Variants in AFF1 observed in about 807,000 individuals in gnomAD.
AFF1 encodes ALF transcription elongation factor 1, also known as AF4/FMR2 family member 1.
A neutral mutation model predicts 121.7 loss-of-function variants in AFF1; 48 were observed. The ratio of observed to expected loss-of-function variants is 0.39; its 90% confidence interval spans 0.31 to 0.50. The LOEUF (loss-of-function observed/expected upper bound fraction) is 0.50. Ranked by LOEUF, AFF1 falls within the 20% of genes least tolerant of loss-of-function variation. The pLI is 0.76. For missense variants in AFF1, 1,523 were observed against 1,511.7 expected, an observed-to-expected ratio of 1.01 and a Z score of -0.12; for synonymous variants, 613 against 563.0, an observed-to-expected ratio of 1.09 and a Z score of -1.26.
chr4:87,092,621 A>G (rs886489570), intron 7 of AFF1, among the ~76,000 whole-genome samples: 1 of 152,084 alleles, frequency 6.6e-6, no homozygotes, highest in Non-Finnish European at 1.5e-5. Flanking sequence ...CCATTTATCT[A>G]GTATTCTACA....
chr4:87,002,057 TAG>T (rs1399408015), intron 2 of AFF1, among the ~76,000 whole-genome samples: 2 of 152,156 alleles, frequency 1.3e-5, no homozygotes, highest in Non-Finnish European at 2.9e-5. Flanking sequence ...TGAGGTATGT[TAG>T]AATTCGGAAT....
At chr4:86,941,036 AG>A (rs1026946099) in intron 1 of AFF1, among the ~76,000 whole-genome samples, 1 of 151,786 alleles carries the variant, frequency 6.6e-6, no homozygotes, top group Non-Finnish European at 1.5e-5. Flanking sequence ...TGCAGTGAGC[AG>A]TGATCGAGAT....
intron 2 of AFF1, among the ~76,000 whole-genome samples, chr4:87,028,925 T>TGTCTGTCATCCTACACAGGTGGG (rs1728797687): frequency 6.6e-6 from 1 of 152,204 alleles, no homozygotes; most frequent in African/African-American, 2.4e-5. Context: ...CCTTAGTTGA[T>TGTCTGTCATCCTACACAGGTGGG]GTCTGTCATC....
chr4:87,007,218 A>G, intron 2 of AFF1: 1 of 1,449,534 alleles, frequency 6.9e-7, no homozygotes, highest in South Asian at 1.4e-5. Context: ...GCGCGAGCCA[A>G]TACGGGCCGA....
chr4:86,992,316 T>A (rs1724794748), intron 2 of AFF1, among the ~76,000 whole-genome samples: 1 of 152,174 alleles, frequency 6.6e-6, no homozygotes, highest in Admixed American at 6.5e-5. Flanking sequence ...TTGGAATTAA[T>A]TTAATATGGG....
In AFF1 at chr4:87,046,313, G is replaced by A. The variant is rs376202256; in HGVS notation, c.159+27G>A. 10 of 1,604,292 alleles carry A rather than the reference G, an allele frequency of 6.2e-6. No individual in the cohort carries two copies. In the South Asian group the frequency reaches 1.1e-4, roughly 18 times the overall value. ...TATTTACTGAACACTAGACATTGAA[G>A]TCCTGATTTATCACAATGTTGAACC... is the stretch of plus-strand genomic sequence containing the variant. On this transcript the variant is annotated intron_variant, in intron 3 of 20. Coordinates refer to ENST00000395146, the MANE Select transcript of AFF1 (RefSeq NM_001166693.3).
At chr4:87,097,004 T>C (rs1382017417) in intron 8 of AFF1, among the ~76,000 whole-genome samples, 1 of 152,198 alleles carries the variant, frequency 6.6e-6, no homozygotes, top group Non-Finnish European at 1.5e-5. Flanking sequence ...TTAAACCAGT[T>C]GATGGCTGGT....
At chr4:87,121,647 G>C (rs1453116904) in intron 12 of AFF1, among the ~76,000 whole-genome samples, 1 of 152,228 alleles carries the variant, frequency 6.6e-6, no homozygotes, top group Non-Finnish European at 1.5e-5. Flanking sequence ...AGCAGAAGGG[G>C]ACTTTTGCTT....
intron 2 of AFF1, among the ~76,000 whole-genome samples, chr4:86,995,082 A>C (rs1388705513): frequency 6.6e-6 from 1 of 152,068 alleles, no homozygotes; most frequent in Non-Finnish European, 1.5e-5. Context: ...CTTTACAAAA[A>C]ATTAGCCAGG....
At chr4:87,127,429 C>T (rs1400995935) in intron 15 of AFF1, among the ~76,000 whole-genome samples, 1 of 152,162 alleles carries the variant, frequency 6.6e-6, no homozygotes, top group African/African-American at 2.4e-5. Flanking sequence ...TCCCAAAGTG[C>T]TGGGATTACA....
intron 12 of AFF1, among the ~76,000 whole-genome samples, chr4:87,116,469 G>T (rs1727134378): frequency 6.6e-6 from 1 of 152,144 alleles, no homozygotes; most frequent in South Asian, 2.1e-4. Context: ...ACTCTCTCCT[G>T]CTGAGAAGGA....
chr4:87,092,300 A>G (rs1163042620), intron 7 of AFF1, among the ~76,000 whole-genome samples: 1 of 152,186 alleles, frequency 6.6e-6, no homozygotes, highest in East Asian at 1.9e-4. Context: ...AAAAACCAAA[A>G]TAAGATTGTT....
At chr4:87,011,285 A>G (rs1726733429) in intron 2 of AFF1, among the ~76,000 whole-genome samples, 1 of 152,140 alleles carries the variant, frequency 6.6e-6, no homozygotes, top group African/African-American at 2.4e-5. Flanking sequence ...ATGTTCAGTC[A>G]ACTCTCCCAC....
At chr4:87,022,573 T>TATATATATAC (rs1728054464) in intron 2 of AFF1, among the ~76,000 whole-genome samples, 1 of 85,734 alleles carries the variant, frequency 1.2e-5, no homozygotes, top group Non-Finnish European at 2.2e-5. Flanking sequence ...TATATATATA[T>TATATATATAC]ATATATATAT....
chr4:87,023,991 A>G (rs1728279295), intron 2 of AFF1, among the ~76,000 whole-genome samples: 1 of 152,176 alleles, frequency 6.6e-6, no homozygotes, highest in Non-Finnish European at 1.5e-5. Context: ...TATAATTTTG[A>G]TCTATGGTAA....
At chr4:87,003,865 T>C (rs1370289721) in intron 2 of AFF1, among the ~76,000 whole-genome samples, 1 of 152,196 alleles carries the variant, frequency 6.6e-6, no homozygotes, top group African/African-American at 2.4e-5. Context: ...CAAAGGTATT[T>C]TGTTGTCCGA....
intron 11 of AFF1, 35 bp downstream of exon 11, chr4:87,108,350 T>C (rs779985368): frequency 6.2e-7 from 1 of 1,602,746 alleles, no homozygotes; most frequent in East Asian, 2.2e-5. Context: ...CCACCTTAGA[T>C]GGCAGCATTC....
intron 2 of AFF1, among the ~76,000 whole-genome samples, chr4:86,977,590 TC>T (rs904592877): frequency 2.6e-5 from 4 of 152,276 alleles, no homozygotes; most frequent in African/African-American, 9.6e-5. Flanking sequence ...AATTACCTGT[TC>T]CTTCACCTGT....
chr4:86,982,254 G>C (rs1043831929), intron 2 of AFF1, among the ~76,000 whole-genome samples: 2 of 152,120 alleles, frequency 1.3e-5, no homozygotes, highest in Admixed American at 1.3e-4. Flanking sequence ...AGGAGCAAAG[G>C]ATTCAATGTT....
Sources: gnomAD v4.1 joint callset for allele counts (sites outside exome capture counted in the v4.1 genomes callset) on GRCh38, gnomAD v4.1.1 for gene constraint, MANE v1.5 for transcripts, NCBI Gene and HGNC (gene_info 2026-07-23, HGNC 2026-07-21) for gene names.